The following HIBCH variants were observed in gnomAD, a reference collection of about 807,000 sequenced individuals.
The protein encoded by HIBCH is 3-hydroxyisobutyryl-CoA hydrolase, also known as 3-hydroxyisobutyryl-CoA hydrolase, mitochondrial.
In HIBCH, 50 loss-of-function variants were observed where a neutral mutation model predicts 58.2. The ratio of observed to expected loss-of-function variants is 0.86; its 90% CI spans 0.68 to 1.09. HIBCH has a LOEUF of 1.09. Ranked by LOEUF, HIBCH falls within the 50% of genes least tolerant of loss-of-function variation. HIBCH has a pLI of 0.00. For synonymous variants in HIBCH, 151 were observed against 146.9 expected (o/e 1.03, Z -0.20); for missense variants, 450 against 449.7 (o/e 1.00, Z -0.01).
chr2:190,253,895 C>G (rs914509487), intron 7 of HIBCH, among the ~76,000 whole-genome samples: 7 of 152,124 alleles, frequency 4.6e-5, no homozygotes, highest in Admixed American at 3.3e-4. Flanking sequence ...GTGGAAAAAC[C>G]CTCCATCCTG....
intron 11 of HIBCH, among the ~76,000 whole-genome samples, chr2:190,234,769 C>G (rs10196351): frequency 0.31 from 46,964 of 151,286 alleles, 8,337 homozygotes; most frequent in African/African-American, 0.47. Flanking sequence ...AGAATTGCTT[C>G]AACTTGGGAG....
At chr2:190,198,580 C>T (rs1368727217) in intron 1 of HIBCH, among the ~76,000 whole-genome samples, 3 of 140,390 alleles carry the variant, frequency 2.1e-5, no homozygotes, top group African/African-American at 5.5e-5. Flanking sequence ...TACAGTGAGC[C>T]GTGATTGCAT....
At chr2:190,308,200 CTCA>C (rs1426275214) in intron 2 of HIBCH, among the ~76,000 whole-genome samples, 1 of 152,186 alleles carries the variant, frequency 6.6e-6, no homozygotes, top group Non-Finnish European at 1.5e-5. Context: ...CACCATAGTC[CTCA>C]TATGATCTGG....
At chr2:190,230,090 T>C (rs1361429103) in intron 11 of HIBCH, among the ~76,000 whole-genome samples, 2 of 152,168 alleles carry the variant, frequency 1.3e-5, no homozygotes, top group African/African-American at 2.4e-5. Flanking sequence ...TTCTAATCAG[T>C]AAAATTAAAG....
rs1215837877 is a variant in HIBCH, at chr2:190,209,518, A to C, written c.1012-605T>G. 6.6e-6 allele frequency among the ~76,000 whole-genome samples: 1 copy of C among 152,188 alleles called. No homozygotes were observed. The highest frequency in any genetic ancestry group is 2.4e-5 in the African/African-American group (1 of 41,438). ...ACCTCTACCCGTAGAGCACACTCTTATTATAGTCTCAGCCAGTTACTTAAC... is the reference window on the plus strand; with the variant it reads ...ACCTCTACCCGTAGAGCACACTCTTCTTATAGTCTCAGCCAGTTACTTAAC... On this transcript the variant is annotated intron_variant, in intron 12 of 13. Transcript: ENST00000359678. This position sits in a 1 kb window ranked among gnomAD's most constrained non-coding sequence, Gnocchi z 5.6.
chr2:190,227,988 T>A (rs1685964176), intron 11 of HIBCH, among the ~76,000 whole-genome samples: 1 of 152,156 alleles, frequency 6.6e-6, no homozygotes. Flanking sequence ...TGGAAGACAG[T>A]GTGGCAATTC....
At chr2:190,290,348 T>TA in intron 5 of HIBCH, 57 bp downstream of exon 5, 1 of 1,182,422 alleles carries the variant, frequency 8.5e-7, no homozygotes, top group Non-Finnish European at 1.3e-6. Context: ...ACAAAGTACA[T>TA]ACTGTCCACC....
At chr2:190,277,676 T>C (rs552739487) in intron 6 of HIBCH, among the ~76,000 whole-genome samples, 1 of 152,232 alleles carries the variant, frequency 6.6e-6, no homozygotes, top group South Asian at 2.1e-4. Context: ...TTTAAGAGTA[T>C]AGTTTTGTAA....
At position 190,306,051 on chromosome 2, in the gene HIBCH, T is replaced by C. The variant is rs938748599; in HGVS notation, c.78+4703A>G. ...CCACTGTTAATTCAGCAACTTGCCA[T>C]GGTCATCTTCCCATGTCACTACTAC... On this transcript the variant is annotated intron_variant, in intron 2 of 13. Coordinates refer to ENST00000359678, the MANE Select transcript of HIBCH (RefSeq NM_014362.4). This position sits in a 1 kb window ranked among gnomAD's most constrained non-coding sequence, Gnocchi z 4.6. 3.3e-5 allele frequency among the ~76,000 whole-genome samples: 5 copies of C among 152,198 alleles called. No individual in the cohort carries two copies. The highest frequency in any genetic ancestry group is 4.8e-5 in the African/African-American group (2 of 41,454).
intron 11 of HIBCH, among the ~76,000 whole-genome samples, chr2:190,227,817 T>C (rs1158491767): frequency 6.6e-6 from 1 of 152,152 alleles, no homozygotes; most frequent in African/African-American, 2.4e-5. Context: ...TGCTCATCAT[T>C]GGCCATCAGA....
Position 190,246,277 on chromosome 2 carries a change from T to C in HIBCH, c.751-65A>G, listed in dbSNP as rs141565537. ...ATTTTTTAATCCTTAAAAATTCATA[T>C]TTAATGATACACTTTGTGAAAGATT... On this transcript the variant is annotated intron_variant, in intron 9 of 13. Transcript: ENST00000359678. 1,170 of 887,672 alleles carry C rather than the reference T, an allele frequency of 1.3e-3. 1 individual carries two copies. Among genetic ancestry groups the C allele is most frequent in the Middle Eastern group, 0.011 (34 of 3,002 alleles). 55.0% of individuals were successfully genotyped at this position (887,672 alleles called of 1,614,324 possible).
rs2353894 is a variant in HIBCH, at chr2:190,288,171, T to A, written c.386-533A>T. Reference sequence around the variant, plus strand: ...AAGACCCTATCTTTTTTTTTTTTTTTTTTAAAAAAAGGAAGAGCTATGTCA... The same window carrying A: ...AAGACCCTATCTTTTTTTTTTTTTTATTTAAAAAAAGGAAGAGCTATGTCA... On this transcript the variant is annotated intron_variant, in intron 5 of 13. Transcript: ENST00000359678. Among the ~76,000 whole-genome samples, 2 of 796 alleles carry A rather than the reference T, an allele frequency of 2.5e-3. 1 individual carries two copies. The highest frequency in any genetic ancestry group is 9.9e-3 in the Non-Finnish European group (2 of 202). The allele number at this position is 796 out of a possible 152,430, so 0.5% of individuals were successfully genotyped here. A position where few individuals can be genotyped will look rare whatever the true frequency, so the allele number is the denominator to read the frequency against.
At chr2:190,271,729 G>C (rs1288062287) in intron 6 of HIBCH, among the ~76,000 whole-genome samples, 1 of 152,034 alleles carries the variant, frequency 6.6e-6, no homozygotes, top group Non-Finnish European at 1.5e-5. Flanking sequence ...ATCTGTTCTA[G>C]TCATTGCCCC....
intron 13 of HIBCH, among the ~76,000 whole-genome samples, chr2:190,208,040 T>C (rs1690433107): frequency 1.3e-5 from 2 of 152,198 alleles, no homozygotes; most frequent in East Asian, 1.9e-4. Context: ...AGGATAAGAA[T>C]TATGCATAAA....
chr2:190,261,147 G>A lies in HIBCH; in HGVS notation c.517+9C>T. The A allele has an allele frequency of 6.2e-7, 1 of 1,603,472 alleles. No individual in the cohort carries two copies. On this transcript the variant is annotated intron_variant, in intron 7 of 13. Coordinates refer to ENST00000359678, the MANE Select transcript of HIBCH (RefSeq NM_014362.4). Reference sequence around the variant, plus strand: ...AAAAGTAATTATAAAAAAAATTCTGGTTGTTTACCTATTGCAGTTTCTGGC... The same window carrying A: ...AAAAGTAATTATAAAAAAAATTCTGATTGTTTACCTATTGCAGTTTCTGGC...
chr2:190,201,055 C>T (rs1389342616), downstream of HIBCH: 1 of 148,334 alleles, frequency 6.7e-6, no homozygotes, highest in Admixed American at 7.5e-5. Context: ...TAAAATAGAC[C>T]AGATAATGCA....
At position 190,250,959 on chromosome 2, in the gene HIBCH, T is replaced by G. The variant is rs1366039076; in HGVS notation, c.663+1203A>C. ...ACGTGTGAGAATAAATCATCATCATTTGTAAAAAGTCCTTGGGGGACTCAC... is the reference window on the plus strand; with the variant it reads ...ACGTGTGAGAATAAATCATCATCATGTGTAAAAAGTCCTTGGGGGACTCAC... On this transcript the variant is annotated intron_variant, in intron 8 of 13. Transcript: ENST00000359678. 2.0e-5 allele frequency among the ~76,000 whole-genome samples: 3 copies of G among 152,166 alleles called. No homozygotes were observed. The East Asian group carries it at 5.8e-4, about 29-fold the overall frequency.
In HIBCH at chr2:190,306,912, T is replaced by C. The variant is rs769196034; in HGVS notation, c.78+3842A>G. Among the ~76,000 whole-genome samples the C allele has an allele frequency of 1.8e-4, 28 of 152,286 alleles. No homozygotes were observed. Among genetic ancestry groups the C allele is most frequent in the Middle Eastern group, 3.4e-3 (1 of 294 alleles). ...ACCACAAGAGGACAGAGAGATAAGATGGCCAACAAGGCTGTCTATTAACCA... is the reference window on the plus strand; with the variant it reads ...ACCACAAGAGGACAGAGAGATAAGACGGCCAACAAGGCTGTCTATTAACCA... On this transcript the variant is annotated intron_variant, in intron 2 of 13. Transcript: ENST00000359678. This position sits in a 1 kb window ranked among gnomAD's most constrained non-coding sequence, Gnocchi z 4.6.
chr2:190,232,064 G>A (rs533891837), intron 11 of HIBCH, among the ~76,000 whole-genome samples: 9 of 151,920 alleles, frequency 5.9e-5, no homozygotes, highest in African/African-American at 1.2e-4. Flanking sequence ...GCATGGTGGC[G>A]GGTGCCTGTA....
Sources: allele counts gnomAD v4.1 joint callset (sites outside exome capture counted in the v4.1 genomes callset), GRCh38; gene constraint gnomAD v4.1.1; non-coding constraint Gnocchi (gnomAD v3.1); transcripts MANE v1.5; gene names NCBI Gene and HGNC (gene_info 2026-07-23, HGNC 2026-07-21).